HMGXB3: variants seen among roughly 807,000 people sequenced by gnomAD.
HMGXB3 encodes HMG-box containing 3, also known as HMG domain-containing protein 3.
Under a neutral mutation model 121.5 loss-of-function variants are expected in HMGXB3, and 45 were observed. The observed-to-expected ratio is 0.37, with a 90% CI of 0.29 to 0.47. The LOEUF (loss-of-function observed/expected upper bound fraction) is 0.47. Among genes scored for constraint, HMGXB3 ranks in the 20% least tolerant of loss-of-function variants. The pLI, the probability that HMGXB3 is intolerant of heterozygous loss-of-function variation, is 0.99. For missense variants in HMGXB3, 1,376 were observed against 1,602.2 expected, an observed-to-expected ratio of 0.86 and a Z score of 2.41; for synonymous variants, 590 against 624.1, an observed-to-expected ratio of 0.95 and a Z score of 0.81.
At chr5:150,021,479 A>G in intron 6 of HMGXB3, 1 of 254,456 alleles carries the variant, frequency 3.9e-6, no homozygotes, top group South Asian at 5.1e-5. Flanking sequence ...GCTTTGAATG[A>G]AGCCCAACAC....
At chr5:150,021,773 T>G in intron 6 of HMGXB3, 1 of 507,258 alleles carries the variant, frequency 2.0e-6, no homozygotes, top group South Asian at 1.4e-5. Flanking sequence ...ACTGATCCTT[T>G]CACTGAGATT....
Position 150,006,721 on chromosome 5 carries a change from G to T in HMGXB3, c.312+74G>T. 3.1e-6 allele frequency: 4 copies of T among 1,286,852 alleles called. No individual in the cohort carries two copies. In the East Asian group the frequency reaches 7.6e-5, roughly 25 times the overall value. 79.7% of individuals were successfully genotyped at this position (1,286,852 alleles called of 1,614,324 possible). On this transcript the variant is annotated intron_variant, in intron 3 of 19. Transcript: ENST00000502717. ...AGGCCTTGGGAAAACCAAGCCCCTTGTTCTGTTTCCTTTTCTTTTTTTGGG... is the reference window on the plus strand; with the variant it reads ...AGGCCTTGGGAAAACCAAGCCCCTTTTTCTGTTTCCTTTTCTTTTTTTGGG...
chr5:150,052,875 A>T lies in HMGXB3; in HGVS notation c.*683A>T, dbSNP rs1208505227. Reference sequence around the variant, plus strand: ...TCCCTGGCCACTGCTGCTGCAGCCAATATCCTCTCTGGGCCTGGGACCCTC... The same window carrying T: ...TCCCTGGCCACTGCTGCTGCAGCCATTATCCTCTCTGGGCCTGGGACCCTC... On this transcript the variant is annotated 3_prime_UTR_variant, in exon 20 of 20. Transcript: ENST00000502717. The T allele has an allele frequency of 6.6e-6, 1 of 152,428 alleles. No individual in the cohort carries two copies. The highest frequency in any genetic ancestry group is 6.5e-5 in the Admixed American group (1 of 15,278). The allele number at this position is 152,428 out of a possible 1,614,324, so 9.4% of individuals were successfully genotyped here.
At position 150,053,045 on chromosome 5, in the gene HMGXB3, T is replaced by C. The variant is rs1034099560; in HGVS notation, c.*853T>C. On this transcript the variant is annotated 3_prime_UTR_variant, in exon 20 of 20. Transcript: ENST00000502717. ...CAAGGTTTGTTTAGGGCCTGGGAAT[T>C]GGCCATGTGTTAATTTATTGAGTGG... 1 of 171,992 alleles carries C rather than the reference T, an allele frequency of 5.8e-6. No homozygotes were observed. Among genetic ancestry groups the C allele is most frequent in the Non-Finnish European group, 1.3e-5 (1 of 79,308 alleles). 10.7% of individuals were successfully genotyped at this position (171,992 alleles called of 1,614,324 possible).
In HMGXB3 at chr5:150,045,478, G is replaced by A; in HGVS notation, c.2743G>A (p.Glu915Lys). 1.3e-6 allele frequency: 2 copies of A among 1,552,246 alleles called. No individual in the cohort carries two copies. The highest frequency in any genetic ancestry group is 1.7e-6 in the Non-Finnish European group (2 of 1,147,100). ...CCTGACCTTCTAGTTCACCTGGCCT[G>A]AATTCCTGGGCTCTAATGAGGTAAA... The part of the protein sequence containing the change: ...ALKSVEFTWP[E>K]FLGSNEVNVE... Residue 915 changes from glutamate to lysine, a missense_variant, in exon 16 of 20, where the codon GAA becomes AAA. Glu to Lys is a moderately conservative substitution (Grantham distance 56). Transcript: ENST00000502717.
intron 13 of HMGXB3, among the ~76,000 whole-genome samples, chr5:150,038,550 A>G (rs955467427): frequency 3.3e-5 from 5 of 152,222 alleles, no homozygotes; most frequent in Non-Finnish European, 7.3e-5. Context: ...CAATCAATAT[A>G]TAGAACAGGT....
intron 10 of HMGXB3, 49 bp downstream of exon 10, chr5:150,030,888 T>C (rs889617318): frequency 2.8e-6 from 4 of 1,427,074 alleles, no homozygotes; most frequent in Non-Finnish European, 3.9e-6. Flanking sequence ...GTTGTTTTGA[T>C]TTTGTGGTTG....
intron 9 of HMGXB3, among the ~76,000 whole-genome samples, chr5:150,029,559 T>C (rs1194890393): frequency 6.6e-6 from 1 of 152,236 alleles, no homozygotes; most frequent in Non-Finnish European, 1.5e-5. Context: ...AAAGGTTTAA[T>C]GAAGCTGTGC....
At chr5:150,051,352 T>C (rs216130) in intron 19 of HMGXB3, among the ~76,000 whole-genome samples, 71,890 of 152,118 alleles carry the variant, frequency 0.47, 19,922 homozygotes, top group Non-Finnish European at 0.62. Context: ...GGCTTTGCCT[T>C]GGAGGAGTCA....
At chr5:150,006,249 A>T (rs1204673736) in intron 2 of HMGXB3, among the ~76,000 whole-genome samples, 1 of 152,190 alleles carries the variant, frequency 6.6e-6, no homozygotes, top group East Asian at 1.9e-4. Context: ...CCATCTGAGG[A>T]TGTTATTTAA....
rs763772409 is a variant in HMGXB3 at position 150,052,311 on chromosome 5, T to TG, written c.*122dup. The TG allele has an allele frequency of 7.1e-5, 55 of 777,340 alleles. No homozygotes were observed. The highest frequency in any genetic ancestry group is 1.1e-4 in the Non-Finnish European group (53 of 493,794). The allele number at this position is 777,340 out of a possible 1,614,324, so 48.2% of individuals were successfully genotyped here. Reference sequence around the variant, plus strand: ...TCCTGTGGGGAGGGCCTCTGACTGCTGGGACTGACCAAAGAGCTTCCATTC... The same window carrying TG: ...TCCTGTGGGGAGGGCCTCTGACTGCTGGGGACTGACCAAAGAGCTTCCATTC... On this transcript the variant is annotated 3_prime_UTR_variant, in exon 20 of 20. Coordinates refer to ENST00000502717, the MANE Select transcript of HMGXB3 (RefSeq NM_014983.3).
At chr5:150,048,743 C>A in intron 18 of HMGXB3, 58 bp downstream of exon 18, 1 of 1,226,486 alleles carries the variant, frequency 8.2e-7, no homozygotes, top group Non-Finnish European at 1.2e-6. Flanking sequence ...ACTTCCCATA[C>A]AGGGACTGAT....
At chr5:150,050,109 T>A in intron 18 of HMGXB3, 143 bp from the exon 19 acceptor site, 1 of 693,828 alleles carries the variant, frequency 1.4e-6, no homozygotes, top group South Asian at 1.7e-5. Context: ...GGGAGCAGCA[T>A]GCCATGGGCT....
intron 6 of HMGXB3, chr5:150,021,431 A>G (rs150396472): frequency 2.1e-5 from 4 of 188,914 alleles, no homozygotes; most frequent in African/African-American, 7.1e-5. Flanking sequence ...TTAGCTGCAG[A>G]ATGTAAGACA....
chr5:150,005,505 A>G (rs1307606743), intron 2 of HMGXB3, among the ~76,000 whole-genome samples: 1 of 151,908 alleles, frequency 6.6e-6, no homozygotes, highest in East Asian at 1.9e-4. Context: ...AGGCTGAGGC[A>G]AGAGAATCAC....
At chr5:150,017,450 A>G (rs772354845) in intron 5 of HMGXB3, among the ~76,000 whole-genome samples, 17 of 152,238 alleles carry the variant, frequency 1.1e-4, no homozygotes, top group Non-Finnish European at 1.6e-4. Context: ...AATAGGAAGA[A>G]CAGGCGATTT....
chr5:150,042,729 G>A (rs1756667392), intron 15 of HMGXB3, among the ~76,000 whole-genome samples: 2 of 152,126 alleles, frequency 1.3e-5, no homozygotes, highest in Non-Finnish European at 2.9e-5. Context: ...TGAAGGGGTT[G>A]GAGGAAAAGA....
At chr5:150,007,750 A>C (rs1755733272) in intron 3 of HMGXB3, among the ~76,000 whole-genome samples, 1 of 152,064 alleles carries the variant, frequency 6.6e-6, no homozygotes, top group Non-Finnish European at 1.5e-5. Context: ...TGGTTTCCTT[A>C]TTATAATAAA....
At chr5:150,042,025 TC>T (rs35128396) in intron 15 of HMGXB3, 56 bp downstream of exon 15, 1 of 1,417,924 alleles carries the variant, frequency 7.1e-7, no homozygotes, top group African/African-American at 1.4e-5. Flanking sequence ...TTTTGGCACC[TC>T]CCTTCCTATA....
Sources: allele counts gnomAD v4.1 joint callset (sites outside exome capture counted in the v4.1 genomes callset), GRCh38; gene constraint gnomAD v4.1.1; transcripts MANE v1.5; gene names NCBI Gene and HGNC (gene_info 2026-07-23, HGNC 2026-07-21).